The following GRIK1 variants were observed in gnomAD, a reference collection of about 807,000 sequenced individuals.
GRIK1 encodes the protein glutamate ionotropic receptor kainate type subunit 1.
GRIK1 carries 69 observed loss-of-function variants against 105.7 expected under a neutral mutation model. That is an observed-to-expected ratio of 0.65 (90% CI 0.54 to 0.80). The LOEUF is 0.80. Ranked by LOEUF, GRIK1 falls within the 30% of genes least tolerant of loss-of-function variation. The pLI, the probability that GRIK1 is intolerant of heterozygous loss-of-function variation, is 0.00. For synonymous variants in GRIK1, 438 were observed against 431.3 expected (o/e 1.02, Z -0.19); for missense variants, 1,109 against 1,167.3 (o/e 0.95, Z 0.73).
chr21:29,862,518 A>T (rs1039387069), intron 1 of GRIK1, among the ~76,000 whole-genome samples: 1 of 152,208 alleles, frequency 6.6e-6, no homozygotes, highest in Non-Finnish European at 1.5e-5. Flanking sequence ...TAGTTTGAAG[A>T]TCAAAATCCA....
chr21:29,641,608 A>G (rs1289822701), intron 7 of GRIK1, among the ~76,000 whole-genome samples: 2 of 152,200 alleles, frequency 1.3e-5, no homozygotes, highest in African/African-American at 4.8e-5. Context: ...GGACTAGGAT[A>G]AAGTAAGAGA....
At chr21:29,815,929 CA>C (rs891404460) in intron 1 of GRIK1, among the ~76,000 whole-genome samples, 1 of 151,938 alleles carries the variant, frequency 6.6e-6, no homozygotes, top group African/African-American at 2.4e-5. Flanking sequence ...GCAATGACAA[CA>C]AAAACAAAAG....
At chr21:29,811,437 C>T (rs1261684242) in intron 1 of GRIK1, among the ~76,000 whole-genome samples, 1 of 152,106 alleles carries the variant, frequency 6.6e-6, no homozygotes, top group Non-Finnish European at 1.5e-5. Context: ...TAGTGAATTG[C>T]TTTATTCTCT....
At chr21:29,584,930 G>A (rs2091098079) in intron 12 of GRIK1, among the ~76,000 whole-genome samples, 1 of 152,158 alleles carries the variant, frequency 6.6e-6, no homozygotes. Flanking sequence ...GCTTTATGAA[G>A]CAGAAGCAGG....
intron 1 of GRIK1, among the ~76,000 whole-genome samples, chr21:29,860,315 G>A (rs186011230): frequency 1.2e-4 from 18 of 152,342 alleles, no homozygotes; most frequent in Admixed American, 3.3e-4. Flanking sequence ...CAACCTGGGG[G>A]AGTGACAGCA....
At chr21:29,678,340 G>C (rs553617872) in intron 3 of GRIK1, among the ~76,000 whole-genome samples, 15 of 152,080 alleles carry the variant, frequency 9.9e-5, no homozygotes, top group African/African-American at 3.4e-4. Flanking sequence ...CATACATAGC[G>C]TTTTTCAGAA....
chr21:29,764,068 G>A, intron 1 of GRIK1: 1 of 152,326 alleles, frequency 6.6e-6, no homozygotes, highest in East Asian at 1.9e-4. Flanking sequence ...CATAATTGGA[G>A]GGAGGATAGA....
chr21:29,538,061 A>T (rs116131076), intron 16 of GRIK1, among the ~76,000 whole-genome samples, 177 bp from the exon 17 acceptor site: 30 of 152,322 alleles, frequency 2.0e-4, no homozygotes, highest in African/African-American at 5.3e-4. Context: ...AATTATGATT[A>T]AAAAATGTTC....
At chr21:29,898,315 G>A (rs1344114550) in intron 1 of GRIK1, among the ~76,000 whole-genome samples, 1 of 152,138 alleles carries the variant, frequency 6.6e-6, no homozygotes, top group Non-Finnish European at 1.5e-5. Flanking sequence ...CGATGCCCTC[G>A]ACACAGTCTG....
At chr21:29,694,495 A>G (rs1177684215) in intron 1 of GRIK1, among the ~76,000 whole-genome samples, 1 of 152,152 alleles carries the variant, frequency 6.6e-6, no homozygotes, top group Non-Finnish European at 1.5e-5. Flanking sequence ...GCAGATCCTA[A>G]ATCCCGGGCT....
At position 29,706,206 on chromosome 21, in the gene GRIK1, G is replaced by A. The variant is rs539509375; in HGVS notation, c.119-12143C>T. 1.2e-4 allele frequency among the ~76,000 whole-genome samples: 18 copies of A among 152,020 alleles called. No individual in the cohort carries two copies. In the South Asian group the frequency reaches 1.9e-3, roughly 16 times the overall value. On this transcript the variant is annotated intron_variant, in intron 1 of 17. Coordinates refer to ENST00000327783, the MANE Select transcript of GRIK1 (RefSeq NM_001330994.2). ...TTTCTTCCTTAATATTTTCCATTTGGTTTTTAAAACATCTCTGTATATTTC... is the reference window on the plus strand; with the variant it reads ...TTTCTTCCTTAATATTTTCCATTTGATTTTTAAAACATCTCTGTATATTTC...
chr21:29,551,135 G>A (rs979492979), intron 16 of GRIK1, among the ~76,000 whole-genome samples: 5 of 152,324 alleles, frequency 3.3e-5, no homozygotes, highest in Middle Eastern at 3.4e-3. Flanking sequence ...ATAGGCTTCA[G>A]AAGTGCTGAA....
chr21:29,845,128 C>T (rs1601835866), intron 1 of GRIK1, among the ~76,000 whole-genome samples: 1 of 152,132 alleles, frequency 6.6e-6, no homozygotes, highest in East Asian at 1.9e-4. Flanking sequence ...TAAAATTTTT[C>T]CAGAAACAAT....
intron 1 of GRIK1, among the ~76,000 whole-genome samples, chr21:29,840,236 G>C (rs555295085): frequency 6.6e-6 from 1 of 152,212 alleles, no homozygotes; most frequent in Non-Finnish European, 1.5e-5. Flanking sequence ...AAAAAAATAA[G>C]ATTGGAATAT....
chr21:29,711,870 A>C (rs1483982377), intron 1 of GRIK1, among the ~76,000 whole-genome samples: 1 of 152,042 alleles, frequency 6.6e-6, no homozygotes, highest in Non-Finnish European at 1.5e-5. Flanking sequence ...AAAACAAAGT[A>C]GCTCAAGTAT....
At chr21:29,936,228 C>CT (rs1486695584) in intron 1 of GRIK1, among the ~76,000 whole-genome samples, 1 of 152,168 alleles carries the variant, frequency 6.6e-6, no homozygotes, top group African/African-American at 2.4e-5. Flanking sequence ...ACCATGACCT[C>CT]TATAATTGTA....
Position 29,875,261 on chromosome 21 carries a change from G to C in GRIK1, c.118+64122C>G, listed in dbSNP as rs73345426. Among the ~76,000 whole-genome samples, 816 of 152,026 alleles carry C rather than the reference G, an allele frequency of 5.4e-3. 5 individuals carry two copies. The highest frequency in any genetic ancestry group is 0.015 in the African/African-American group (628 of 41,480). ...GTCCCTGGAGCATCATTTCTACCAGGAAACCTGGTAGAAATGATTACTCTC... is the reference window on the plus strand; with the variant it reads ...GTCCCTGGAGCATCATTTCTACCAGCAAACCTGGTAGAAATGATTACTCTC... On this transcript the variant is annotated intron_variant, in intron 1 of 17. Transcript: ENST00000327783.
chr21:29,651,246 T>G lies in GRIK1; in HGVS notation c.826A>C (p.Asn276His). The G allele has an allele frequency of 6.2e-7, 1 of 1,613,790 alleles. No individual in the cohort carries two copies. The highest frequency in any genetic ancestry group is 8.5e-7 in the Non-Finnish European group (1 of 1,179,678). ...TTAAGCAGCCGAAACCCGGTCATGT[T>G]TACGCCACTGTACCTATAGAGTTCC... ...DLELYRYSGV[N>H]MTGFRLLNID... Residue 276 changes from asparagine to histidine, a missense_variant, in exon 6 of 18, where the codon AAC becomes CAC. This residue lies in a region of GRIK1 where 612 missense variants were observed against 586.0 expected (regional missense o/e 1.04). Transcript: ENST00000327783.
At chr21:29,655,579 G>A (rs573947540) in intron 4 of GRIK1, among the ~76,000 whole-genome samples, 1 of 152,226 alleles carries the variant, frequency 6.6e-6, no homozygotes, top group East Asian at 1.9e-4. Context: ...CTCATTATGA[G>A]TAGAACTCAT....
Sources: allele counts gnomAD v4.1 joint callset (sites outside exome capture counted in the v4.1 genomes callset), GRCh38; gene constraint gnomAD v4.1.1; regional missense constraint gnomAD v4.1.1; transcripts MANE v1.5; gene names NCBI Gene and HGNC (gene_info 2026-07-23, HGNC 2026-07-21).